Variants in FABP6 observed in about 807,000 individuals in gnomAD.
FABP6 encodes the protein gastrotropin.
FABP6 carries 13 observed loss-of-function variants against 14.9 expected under a neutral mutation model. The observed-to-expected ratio is 0.87, with a 90% CI of 0.57 to 1.39. FABP6 has a LOEUF of 1.39. Among genes scored for constraint, FABP6 ranks in the 40% most tolerant of loss-of-function variants. FABP6 has a pLI of 0.00. For missense variants in FABP6, 161 were observed against 167.2 expected (o/e 0.96, Z 0.20); for synonymous variants, 75 against 63.6 (o/e 1.18, Z -0.85).
intron 1 of FABP6, among the ~76,000 whole-genome samples, chr5:160,195,275 C>G (rs1231005832): frequency 9.6e-6 from 1 of 104,642 alleles, no homozygotes; most frequent in African/African-American, 4.1e-5. Flanking sequence ...CAGAGCGAGA[C>G]TCTGTCTCAA....
At chr5:160,225,726 G>A (rs1266792278), upstream of FABP6, among the ~76,000 whole-genome samples, 1 of 152,044 alleles carries the variant, frequency 6.6e-6, no homozygotes, top group East Asian at 1.9e-4. Flanking sequence ...CAGAAACATG[G>A]GACCGTGTTT....
upstream of FABP6, among the ~76,000 whole-genome samples, chr5:160,227,019 T>C (rs1383165013): frequency 6.6e-6 from 1 of 152,224 alleles, no homozygotes; most frequent in Non-Finnish European, 1.5e-5. Flanking sequence ...AATATTTTTA[T>C]CACTGTTATT....
At chr5:160,232,014 G>A in intron 1 of FABP6, 84 bp from the exon 2 acceptor site, 3 of 1,489,086 alleles carry the variant, frequency 2.0e-6, no homozygotes, top group Non-Finnish European at 2.7e-6. Flanking sequence ...GTAGGGCGGT[G>A]GGGGTGGGCA....
intron 1 of FABP6, chr5:160,197,488 T>G (rs1038612931): frequency 6.6e-6 from 1 of 152,282 alleles, no homozygotes. Flanking sequence ...CCAATAGAGA[T>G]AATGCAGGGA....
intron 1 of FABP6, among the ~76,000 whole-genome samples, chr5:160,192,545 G>A (rs910122683): frequency 2.6e-5 from 4 of 152,252 alleles, no homozygotes; most frequent in African/African-American, 9.6e-5. Context: ...CATTAGGCCT[G>A]GATCCCCTCT....
chr5:160,211,437 C>T (rs1311109199), intron 2 of FABP6, among the ~76,000 whole-genome samples: 1 of 152,140 alleles, frequency 6.6e-6, no homozygotes, highest in Admixed American at 6.5e-5. Context: ...ACTGAGCATC[C>T]AACCCTCCCA....
At chr5:160,228,961 A>C (rs2113135509), upstream of FABP6, among the ~76,000 whole-genome samples, 1 of 152,072 alleles carries the variant, frequency 6.6e-6, no homozygotes, top group South Asian at 2.1e-4. Flanking sequence ...TCCTCCCCAA[A>C]CATGCACTAG....
intron 2 of FABP6, 42 bp from the exon 3 acceptor site, chr5:160,234,778 C>G (rs748881670): frequency 6.6e-7 from 1 of 1,519,332 alleles, no homozygotes; most frequent in Non-Finnish European, 9.0e-7. Context: ...AGTTGCCAAT[C>G]ACCTGCAACA....
At chr5:160,211,264 C>G (rs985378588) in intron 2 of FABP6, among the ~76,000 whole-genome samples, 1 of 152,152 alleles carries the variant, frequency 6.6e-6, no homozygotes, top group African/African-American at 2.4e-5. Context: ...ATGTGGGTCT[C>G]TGTGGGACTG....
chr5:160,221,886 G>A (rs1580916132), intron 3 of FABP6, among the ~76,000 whole-genome samples: 2 of 152,178 alleles, frequency 1.3e-5, no homozygotes, highest in Admixed American at 6.6e-5. Context: ...AAAACATCTA[G>A]AAGTTTATCT....
intron 3 of FABP6, among the ~76,000 whole-genome samples, chr5:160,219,586 C>A (rs1457746304): frequency 1.3e-5 from 2 of 152,104 alleles, no homozygotes; most frequent in Non-Finnish European, 2.9e-5. Flanking sequence ...GGGGTGGGAG[C>A]ATGGCTGAGT....
chr5:160,238,606 G>T lies in FABP6; in HGVS notation c.334G>T (p.Val112Phe). 2 of 1,613,894 alleles carry T rather than the reference G, an allele frequency of 1.2e-6. No individual in the cohort carries two copies. Among genetic ancestry groups the T allele is most frequent in the Non-Finnish European group, 1.7e-6 (2 of 1,179,832 alleles). The change falls in exon 4 of 4, where the codon GTC (valine) becomes TTC (phenylalanine). Residue 112 changes from valine (V) to phenylalanine (F), a missense_variant and splice_region_variant. Coordinates refer to ENST00000402432, the MANE Select transcript of FABP6 (RefSeq NM_001445.3). ...CCTCTGTCCCGGCTGCTTCTTTCAG[G>T]TCTCCACCATCGGAGGCGTGACCTA... is the stretch of plus-strand genomic sequence containing the variant. ...SEIVGDKLVE[V>F]STIGGVTYER... is the part of the protein sequence containing the mutation.
At chr5:160,211,504 C>T (rs1759890195) in intron 2 of FABP6, among the ~76,000 whole-genome samples, 1 of 152,168 alleles carries the variant, frequency 6.6e-6, no homozygotes, top group African/African-American at 2.4e-5. Flanking sequence ...CGAGGACACC[C>T]CAGTACAGAG....
intron 3 of FABP6, among the ~76,000 whole-genome samples, chr5:160,221,088 C>CAA (rs397884568): frequency 0.042 from 3,056 of 72,506 alleles, 110 homozygotes; most frequent in African/African-American, 0.096. Flanking sequence ...GACTTTCTCT[C>CAA]AAAAAAAAAA....
chr5:160,208,353 G>A (rs943219994), intron 2 of FABP6, among the ~76,000 whole-genome samples: 3 of 151,952 alleles, frequency 2.0e-5, no homozygotes, highest in African/African-American at 4.8e-5. Context: ...TGGGAGGATC[G>A]CTTGAGCCCA....
intron 3 of FABP6, among the ~76,000 whole-genome samples, chr5:160,217,927 G>A (rs968285747): frequency 6.6e-6 from 1 of 152,090 alleles, no homozygotes; most frequent in South Asian, 2.1e-4. Flanking sequence ...ACAGGCATGA[G>A]CCTCTGTGCC....
chr5:160,222,249 C>T (rs536430905), intron 3 of FABP6, among the ~76,000 whole-genome samples: 1 of 152,146 alleles, frequency 6.6e-6, no homozygotes, highest in East Asian at 1.9e-4. Flanking sequence ...CATGCCACTA[C>T]ACCTGCTAAT....
At position 160,207,723 on chromosome 5, in the gene FABP6, C is replaced by CT. The variant is rs139123590; in HGVS notation, c.52-5996dup. ...CGGGACTGTAGGTCATCTTTACCTC[C>CT]TTTTTTTTTTTTTTTTTGAGATGAA... On this transcript the variant is annotated intron_variant, in intron 2 of 6. Transcript: ENST00000393980. 1.1e-3 allele frequency among the ~76,000 whole-genome samples: 136 copies of CT among 124,320 alleles called. 2 individuals are homozygous for CT. In the South Asian group the frequency reaches 0.015, roughly 14 times the overall value. 81.6% of individuals were successfully genotyped at this position (124,320 alleles called of 152,430 possible). A position where few individuals can be genotyped will look rare whatever the true frequency, so the allele number is the denominator to read the frequency against.
intron 2 of FABP6, among the ~76,000 whole-genome samples, chr5:160,200,400 G>A (rs1486285551): frequency 4.2e-5 from 6 of 141,490 alleles, no homozygotes; most frequent in Non-Finnish European, 9.0e-5. Context: ...AACGCCCGTT[G>A]AGTCCTTTTT....
Sources: gnomAD v4.1 joint callset for allele counts (sites outside exome capture counted in the v4.1 genomes callset) on GRCh38, gnomAD v4.1.1 for gene constraint, MANE v1.5 for transcripts, NCBI Gene and HGNC (gene_info 2026-07-23, HGNC 2026-07-21) for gene names.